Variants in MDGA2 observed in about 807,000 individuals in gnomAD.
The protein encoded by MDGA2 is MAM domain containing glycosylphosphatidylinositol anchor 2.
Under a neutral mutation model 117.8 loss-of-function variants are expected in MDGA2, and 40 were observed. The observed-to-expected ratio is 0.34, with a 90% CI of 0.26 to 0.44. MDGA2 has a LOEUF of 0.44. Ranked by LOEUF, MDGA2 falls within the 20% of genes least tolerant of loss-of-function variation. The probability of loss-of-function intolerance (pLI) is 1.00; values close to 1 mark genes in which losing one functional copy is unlikely to be tolerated. For missense variants in MDGA2, 1,123 were observed against 1,250.6 expected, an observed-to-expected ratio of 0.90 and a Z score of 1.54; for synonymous variants, 452 against 439.0, an observed-to-expected ratio of 1.03 and a Z score of -0.37.
chr14:47,458,553 T>C (rs1893412790), intron 1 of MDGA2, among the ~76,000 whole-genome samples: 1 of 152,156 alleles, frequency 6.6e-6, no homozygotes, highest in Non-Finnish European at 1.5e-5. Context: ...GTTTCAGTTA[T>C]GCTGGATGAG....
At chr14:47,086,472 TA>T (rs1890904982) in intron 6 of MDGA2, among the ~76,000 whole-genome samples, 1 of 152,134 alleles carries the variant, frequency 6.6e-6, no homozygotes, top group Non-Finnish European at 1.5e-5. Flanking sequence ...CTAATTCAAT[TA>T]AAAATTGTAT....
In MDGA2 at chr14:47,675,562, C is replaced by A. The variant is rs1898170224; in HGVS notation, c.-766G>T. 6.6e-6 allele frequency among the ~76,000 whole-genome samples: 1 copy of A among 152,084 alleles called. No homozygotes were observed. On this transcript the variant is annotated 5_prime_UTR_variant, in exon 1 of 17. Coordinates refer to ENST00000399232, the MANE Select transcript of MDGA2 (RefSeq NM_001113498.3). ...GGCCGGCCGCACCAATTCCCGGAGC[C>A]GAAAGCAGAGTCCAGGCACCGCCAC...
intron 3 of MDGA2, among the ~76,000 whole-genome samples, chr14:47,197,597 C>T (rs1424062206): frequency 6.6e-6 from 1 of 152,156 alleles, no homozygotes; most frequent in Non-Finnish European, 1.5e-5. Flanking sequence ...GTTGGTGAAT[C>T]TGAAACAACA....
chr14:47,196,458 C>T lies in MDGA2; in HGVS notation c.595+21563G>A, dbSNP rs909607360. 1.1e-4 allele frequency among the ~76,000 whole-genome samples: 16 copies of T among 152,114 alleles called. No individual in the cohort carries two copies. In the East Asian group the frequency reaches 2.1e-3, roughly 20 times the overall value. ...TTTTAAGTACTAGCTGCTTCCTAAG[C>T]GTATACTTTTTGCAGTGATTTAACA... On this transcript the variant is annotated intron_variant, in intron 3 of 16. Transcript: ENST00000399232.
At chr14:47,380,236 T>C (rs1349933773) in intron 1 of MDGA2, among the ~76,000 whole-genome samples, 1 of 152,072 alleles carries the variant, frequency 6.6e-6, no homozygotes, top group African/African-American at 2.4e-5. Flanking sequence ...TAGAGGGAAA[T>C]TTATAGCACT....
intron 1 of MDGA2, among the ~76,000 whole-genome samples, chr14:47,399,707 A>G (rs1892092981): frequency 7.9e-5 from 12 of 152,134 alleles, no homozygotes; most frequent in Admixed American, 7.9e-4. Flanking sequence ...TGATTTTTTA[A>G]AGATTTCCTA....
chr14:47,090,074 T>G (rs1157860673), intron 6 of MDGA2, among the ~76,000 whole-genome samples: 1 of 152,090 alleles, frequency 6.6e-6, no homozygotes, highest in Non-Finnish European at 1.5e-5. Context: ...TAAAGATAAT[T>G]TAGAAATATT....
chr14:46,985,399 C>T (rs751176021), intron 8 of MDGA2, among the ~76,000 whole-genome samples: 13 of 151,838 alleles, frequency 8.6e-5, no homozygotes, highest in African/African-American at 9.7e-5. Context: ...AGAACTGAAC[C>T]GAACCTAGTG....
chr14:47,511,470 T>C (rs1894638943), intron 1 of MDGA2, among the ~76,000 whole-genome samples: 1 of 152,160 alleles, frequency 6.6e-6, no homozygotes, highest in Non-Finnish European at 1.5e-5. Flanking sequence ...TATATTTAAA[T>C]AGTATACATG....
intron 5 of MDGA2, among the ~76,000 whole-genome samples, chr14:47,116,533 A>G (rs529191744): frequency 4.3e-4 from 66 of 152,288 alleles, no homozygotes; most frequent in African/African-American, 1.5e-3. Context: ...ATAGTAATCA[A>G]AACAGTAGAG....
chr14:46,979,584 G>T (rs117278273), intron 8 of MDGA2, among the ~76,000 whole-genome samples: 2 of 152,102 alleles, frequency 1.3e-5, no homozygotes, highest in Non-Finnish European at 2.9e-5. Flanking sequence ...TGATAAAAAG[G>T]CAAAGCAACT....
intron 1 of MDGA2, among the ~76,000 whole-genome samples, chr14:47,511,110 CTA>C (rs1566492135): frequency 6.6e-6 from 1 of 152,134 alleles, no homozygotes; most frequent in African/African-American, 2.4e-5. Context: ...AAGGCAAAAA[CTA>C]TATTTCATTC....
At chr14:47,557,788 A>G (rs1895712435) in intron 1 of MDGA2, among the ~76,000 whole-genome samples, 2 of 152,332 alleles carry the variant, frequency 1.3e-5, no homozygotes, top group Admixed American at 6.5e-5. Flanking sequence ...TATAACTTGT[A>G]TTATAAATGT....
At chr14:46,847,417 T>C (rs999123214) in intron 15 of MDGA2, among the ~76,000 whole-genome samples, 1 of 152,030 alleles carries the variant, frequency 6.6e-6, no homozygotes, top group African/African-American at 2.4e-5. Flanking sequence ...GTAGTTCAAA[T>C]ATTTAGAACC....
At chr14:47,124,564 C>A (rs534388077) in intron 5 of MDGA2, among the ~76,000 whole-genome samples, 2 of 152,222 alleles carry the variant, frequency 1.3e-5, no homozygotes, top group East Asian at 3.9e-4. Flanking sequence ...GCAAAGTCCA[C>A]ATTCAGTAAT....
chr14:47,513,661 G>A (rs529743804), intron 1 of MDGA2, among the ~76,000 whole-genome samples: 4 of 152,066 alleles, frequency 2.6e-5, no homozygotes, highest in African/African-American at 7.2e-5. Flanking sequence ...GATACATATT[G>A]TTCCTAAGGC....
At chr14:47,006,450 A>T (rs1306844757) in intron 8 of MDGA2, among the ~76,000 whole-genome samples, 1 of 147,520 alleles carries the variant, frequency 6.8e-6, no homozygotes. Flanking sequence ...AATTATAATT[A>T]TAATTTTAAA....
intron 1 of MDGA2, among the ~76,000 whole-genome samples, chr14:47,436,539 T>C (rs1442400118): frequency 6.6e-6 from 1 of 152,008 alleles, no homozygotes; most frequent in Admixed American, 6.5e-5. Context: ...ACACAACATA[T>C]TTCTTTATAA....
chr14:46,882,064 A>T lies in MDGA2; in HGVS notation c.2396T>A (p.Ile799Asn), dbSNP rs747832762. The T allele has an allele frequency of 3.1e-6, 5 of 1,607,576 alleles. No individual in the cohort carries two copies. Among genetic ancestry groups the T allele is most frequent in the Non-Finnish European group, 4.3e-6 (5 of 1,176,176 alleles). The change falls in exon 11 of 17, where the codon ATT becomes AAT. Residue 799 changes from isoleucine to asparagine, a missense_variant. Ile to Asn is a moderately radical substitution (Grantham distance 149). This residue lies in a region of MDGA2 where 890 missense variants were observed against 1,050.3 expected (regional missense o/e 0.85). Coordinates refer to ENST00000399232, the MANE Select transcript of MDGA2 (RefSeq NM_001113498.3). ...LTKFGEGDST[I>N]RVIKYSAPVN... Reference sequence around the variant, plus strand: ...CTTACCACTATATTTGATCACACGAATTGTTGAATCTCCTTCACCAAATTT... The same window carrying T: ...CTTACCACTATATTTGATCACACGATTTGTTGAATCTCCTTCACCAAATTT...
Sources: allele counts gnomAD v4.1 joint callset (sites outside exome capture counted in the v4.1 genomes callset), GRCh38; gene constraint gnomAD v4.1.1; regional missense constraint gnomAD v4.1.1; transcripts MANE v1.5; gene names NCBI Gene and HGNC (gene_info 2026-07-23, HGNC 2026-07-21).